The following TRAPPC2L variants were observed in gnomAD, a reference collection of about 807,000 sequenced individuals.
The protein encoded by TRAPPC2L is trafficking protein particle complex subunit 2L, also known as trafficking protein particle complex subunit 2-like protein.
Under a neutral mutation model 13.2 loss-of-function variants are expected in TRAPPC2L, and 17 were observed. The ratio of observed to expected loss-of-function variants is 1.29; its 90% CI spans 0.88 to 1.93. The LOEUF is 1.93. Among genes scored for constraint, TRAPPC2L ranks in the 30% most tolerant of loss-of-function variants. TRAPPC2L has a pLI of 0.00. For missense variants in TRAPPC2L, 359 were observed against 252.1 expected (o/e 1.42, Z -2.87); for synonymous variants, 150 against 98.1 (o/e 1.53, Z -3.12).
exon 4 of TRAPPC2L, chr16:88,860,883 C>T (rs751206716): frequency 1.3e-6 from 2 of 1,578,238 alleles, no homozygotes; most frequent in South Asian, 1.2e-5. Flanking sequence ...GGGCCTGGCT[C>T]TCCTCTGAGT....
intron 1 of TRAPPC2L, 35 bp from the exon 2 acceptor site, chr16:88,858,584 C>A: frequency 6.2e-7 from 1 of 1,604,580 alleles, no homozygotes; most frequent in South Asian, 1.1e-5. Flanking sequence ...TGGGTGGAGT[C>A]TTGTCCTTTC....
At chr16:88,860,640 T>C in exon 4 of TRAPPC2L, 2 of 594,064 alleles carry the variant, frequency 3.4e-6, no homozygotes, top group Non-Finnish European at 6.0e-6. Context: ...AGGGCCATCC[T>C]TGCCACACCA....
intron 2 of TRAPPC2L, 91 bp downstream of exon 2, chr16:88,858,882 A>G (rs1968180017): frequency 1.4e-6 from 2 of 1,401,282 alleles, no homozygotes; most frequent in East Asian, 2.5e-5. Flanking sequence ...TTAGAAGAAA[A>G]AGAGGTGAGA....
chr16:88,858,364 C>G (rs1348627421), intron 1 of TRAPPC2L, among the ~76,000 whole-genome samples: 1 of 152,160 alleles, frequency 6.6e-6, no homozygotes, highest in Non-Finnish European at 1.5e-5. Flanking sequence ...TGCTCAGGCC[C>G]ATTTTTCTGA....
chr16:88,861,002 CTG>C (rs1461039971), exon 4 of TRAPPC2L: 1 of 1,553,546 alleles, frequency 6.4e-7, no homozygotes, highest in East Asian at 2.3e-5. Flanking sequence ...CCGCGCACGA[CTG>C]TGGTGGGGCC....
upstream of TRAPPC2L, chr16:88,856,746 G>T: frequency 3.2e-6 from 3 of 924,248 alleles, no homozygotes; most frequent in African/African-American, 3.7e-5. Flanking sequence ...CCGTCCCACC[G>T]CCCGCACTCA....
rs765240239 is a variant in TRAPPC2L at position 88,857,380 on chromosome 16, GC to G, written c.33+200del. 438 of 529,696 alleles carry G rather than the reference GC, an allele frequency of 8.3e-4. 2 individuals are homozygous for G. Among genetic ancestry groups the G allele is most frequent in the Admixed American group, 1.9e-3 (44 of 23,782 alleles). The allele number at this position is 529,696 out of a possible 1,614,324, so 32.8% of individuals were successfully genotyped here. ...TGACTGAGACCCCAGTTCCGCGCTC[GC>G]CCGTCCCGCTGCTGAACGCACCCCT... is the stretch of plus-strand genomic sequence containing the variant. On this transcript the variant is annotated intron_variant, in intron 1 of 3. Transcript: ENST00000565504.
chr16:88,856,297 G>A (rs969323431), upstream of TRAPPC2L: 1 of 702,866 alleles, frequency 1.4e-6, no homozygotes, highest in Non-Finnish European at 2.6e-6. Context: ...TGGCGGGAGT[G>A]ATTCCTAGGG....
intron 2 of TRAPPC2L, chr16:88,859,176 C>T (rs899636605): frequency 1.3e-5 from 6 of 452,720 alleles, no homozygotes; most frequent in Admixed American, 2.7e-5. Context: ...ACTAGACACT[C>T]GTCTAGTCCC....
exon 4 of TRAPPC2L, chr16:88,861,068 C>A: frequency 9.1e-7 from 1 of 1,100,550 alleles, no homozygotes; most frequent in Non-Finnish European, 1.3e-6. Flanking sequence ...GCTTTCAGGG[C>A]AGGCAGCTGT....
At chr16:88,859,800 C>T (rs1433797839) in intron 3 of TRAPPC2L, 50 bp downstream of exon 3, 1 of 1,592,464 alleles carries the variant, frequency 6.3e-7, no homozygotes, top group Non-Finnish European at 8.6e-7. Context: ...TTTGTTTTTC[C>T]TTTTTGACTT....
chr16:88,859,310 G>C (rs540978516), intron 2 of TRAPPC2L: 2 of 641,354 alleles, frequency 3.1e-6, no homozygotes, highest in Admixed American at 2.1e-5. Flanking sequence ...CTAGAGAGGG[G>C]ATCCGCCTTG....
chr16:88,856,892 C>T (rs746326034), upstream of TRAPPC2L: 5 of 1,502,412 alleles, frequency 3.3e-6, no homozygotes, highest in Non-Finnish European at 4.4e-6. Context: ...ACCACGGGAG[C>T]CGCGGAGCCC....
chr16:88,857,735 C>T (rs1388297084), intron 1 of TRAPPC2L, among the ~76,000 whole-genome samples: 1 of 152,262 alleles, frequency 6.6e-6, no homozygotes. Context: ...TGGACATGCT[C>T]TGCCCTCTCA....
exon 4 of TRAPPC2L, chr16:88,861,953 G>T (rs746989660): frequency 1.6e-5 from 4 of 251,522 alleles, no homozygotes; most frequent in Non-Finnish European, 3.2e-5. Flanking sequence ...AAATCAGCAA[G>T]GAGTGTGGGA....
exon 4 of TRAPPC2L, chr16:88,861,988 C>G (rs114574988): frequency 4.8e-6 from 1 of 208,198 alleles, no homozygotes; most frequent in African/African-American, 2.4e-5. Flanking sequence ...AGGCCTCCCC[C>G]GCCCCAGGGT....
chr16:88,860,990 G>A (rs1428905922), exon 4 of TRAPPC2L: 15 of 1,563,958 alleles, frequency 9.6e-6, no homozygotes, highest in Non-Finnish European at 1.2e-5. Flanking sequence ...TCGCAGAGGA[G>A]CCCGCGCACG....
At chr16:88,857,103 AC>A (rs1967967311), upstream of TRAPPC2L, 1 of 1,555,168 alleles carries the variant, frequency 6.4e-7, no homozygotes, top group African/African-American at 1.4e-5. Flanking sequence ...AGGCCGCGTG[AC>A]CAGCGGCGGG....
chr16:88,860,707 C>A (rs1968322180), exon 4 of TRAPPC2L: 1 of 624,046 alleles, frequency 1.6e-6, no homozygotes, highest in Non-Finnish European at 2.8e-6. Flanking sequence ...CCTTGGGAGG[C>A]TGCACAGGGA....
Sources: allele counts gnomAD v4.1 joint callset (sites outside exome capture counted in the v4.1 genomes callset), GRCh38; gene constraint gnomAD v4.1.1; transcripts MANE v1.5; gene names NCBI Gene and HGNC (gene_info 2026-07-23, HGNC 2026-07-21).